The following CDC42BPG variants were observed in gnomAD, a reference collection of about 807,000 sequenced individuals.
CDC42BPG encodes the protein CDC42 binding protein kinase gamma.
A neutral mutation model predicts 192.2 loss-of-function variants in CDC42BPG; 157 were observed. The ratio of observed to expected loss-of-function variants is 0.82; its 90% confidence interval spans 0.72 to 0.93. The LOEUF (loss-of-function observed/expected upper bound fraction) is 0.93. CDC42BPG is among the 40% of genes least tolerant of loss of function. The pLI, the probability that CDC42BPG is intolerant of heterozygous loss-of-function variation, is 0.00. For missense variants in CDC42BPG, 1,992 were observed against 2,122.1 expected (o/e 0.94, Z 1.20); for synonymous variants, 981 against 918.5 (o/e 1.07, Z -1.23).
chr11:64,825,841 G>A (rs1267801192), intron 36 of CDC42BPG, among the ~76,000 whole-genome samples: 6 of 152,190 alleles, frequency 3.9e-5, no homozygotes, highest in East Asian at 1.9e-4. Flanking sequence ...CAAGGTGGGC[G>A]GATCACTTGA....
chr11:64,836,274 C>A lies in CDC42BPG; in HGVS notation c.1511G>T (p.Gly504Val). The change falls in exon 13 of 37, where the codon GGG becomes GTG. Residue 504 changes from glycine (G) to valine (V), a missense_variant. By Grantham distance (109) the Gly-to-Val change is moderately radical. Around this residue, in one of 2 missense-constraint regions of CDC42BPG, gnomAD observed 1,656 missense variants for 1,844.3 expected, o/e 0.90. Coordinates refer to ENST00000342711, the MANE Select transcript of CDC42BPG (RefSeq NM_017525.3). ...GAGCTCCTGCTCCTGAGCCTGCAGC[C>A]CTGCCCGACCCTCGGCCAGCTCCTG... ...LHRELAEGRA[G>V]LQAQEQELCR... 6.2e-7 allele frequency: 1 copy of A among 1,603,616 alleles called. No homozygotes were observed. Among genetic ancestry groups the A allele is most frequent in the Non-Finnish European group, 8.5e-7 (1 of 1,176,940 alleles).
In CDC42BPG at chr11:64,831,601, CCAG is replaced by C. The variant is rs1309370908; in HGVS notation, c.3205_3207del (p.Leu1069del). ...ACGGGCCGGGGTCTTGGCCGCGCGTCCAGCAGCAGCCGCTGCAGCTCACCCAGC... is the reference window on the plus strand; with the variant it reads ...ACGGGCCGGGGTCTTGGCCGCGCGTCCAGCAGCCGCTGCAGCTCACCCAGC... On this transcript the variant is annotated inframe_deletion, in exon 28 of 37. Coordinates refer to ENST00000342711, the MANE Select transcript of CDC42BPG (RefSeq NM_017525.3). The C allele has an allele frequency of 1.9e-6, 3 of 1,611,834 alleles. No homozygotes were observed. The highest frequency in any genetic ancestry group is 1.7e-6 in the Non-Finnish European group (2 of 1,179,798).
chr11:64,826,842 G>A (rs781438449), intron 34 of CDC42BPG, 48 bp from the exon 35 acceptor site: 20 of 1,465,804 alleles, frequency 1.4e-5, no homozygotes, highest in South Asian at 1.0e-4. Context: ...GCACAAGGAG[G>A]ACAAGAGGCC....
In CDC42BPG at chr11:64,829,497, A is replaced by G; in HGVS notation, c.3941T>C (p.Leu1314Ser). 6.2e-7 allele frequency: 1 copy of G among 1,612,930 alleles called. No homozygotes were observed. Among genetic ancestry groups the G allele is most frequent in the Non-Finnish European group, 8.5e-7 (1 of 1,179,922 alleles). Reference protein sequence around the residue: ...AGRKSRGHELLWPAAPMGWGY... With the variant: ...AGRKSRGHELSWPAAPMGWGY... ...CCAGCCCATGGGCGCTGCTGGCCAC[A>G]ACAGCTCGTGGCCACGAGACTTGCG... The change falls in exon 30 of 37, where the codon TTG becomes TCG. Residue 1314 changes from leucine to serine, a missense_variant. By Grantham distance (145) the Leu-to-Ser change is moderately radical. Transcript: ENST00000342711.
Position 64,838,094 on chromosome 11 carries a change from G to A in CDC42BPG, c.1194C>T (p.Tyr398=), listed in dbSNP as rs532478413. The A allele has an allele frequency of 3.9e-6, 6 of 1,551,474 alleles. 1 individual carries two copies. The South Asian group carries it at 7.1e-5, about 18-fold the overall frequency. ...AGGACTAGCCTCACCTGCCTGAGGT[G>A]TAGGTGAAGCCCACGAATGGCAGGT... is the stretch of plus-strand genomic sequence containing the variant. ...GHHLPFVGFT[Y]TSGSHSPESS... The change falls in exon 9 of 37, where the codon TAC becomes TAT. Residue 398 remains tyrosine, a synonymous_variant. Transcript: ENST00000342711.
intron 6 of CDC42BPG, 76 bp downstream of exon 6, chr11:64,839,402 G>T: frequency 6.6e-7 from 1 of 1,526,552 alleles, no homozygotes; most frequent in African/African-American, 1.4e-5. Flanking sequence ...TCTGCACTAG[G>T]CCTGGGGCCT....
intron 8 of CDC42BPG, 115 bp downstream of exon 8, chr11:64,838,539 C>A: frequency 7.3e-7 from 1 of 1,364,500 alleles, no homozygotes; most frequent in Non-Finnish European, 1.0e-6. Flanking sequence ...AATCATAAGC[C>A]CCGGTGTCTG....
intron 5 of CDC42BPG, 142 bp downstream of exon 5, chr11:64,839,978 C>A: frequency 1.2e-6 from 1 of 846,268 alleles, no homozygotes; most frequent in Non-Finnish European, 1.8e-6. Context: ...TGGTATGATT[C>A]CAAGGAAGCA....
intron 11 of CDC42BPG, 74 bp downstream of exon 11, chr11:64,836,665 C>CCAGGG (rs1943006632): frequency 2.7e-6 from 3 of 1,090,958 alleles, no homozygotes; most frequent in Non-Finnish European, 3.8e-6. Flanking sequence ...TACAGCTTGT[C>CCAGGG]CAGGGCAGGG....
At chr11:64,826,919 G>C (rs558560424) in intron 34 of CDC42BPG, 125 bp from the exon 35 acceptor site, 18 of 1,226,676 alleles carry the variant, frequency 1.5e-5, no homozygotes, top group Non-Finnish European at 1.6e-5. Flanking sequence ...TTAAGTCCCA[G>C]GTAGCAGAAG....
In CDC42BPG at chr11:64,827,122, C is replaced by T. The variant is rs186031768; in HGVS notation, c.4317G>A (p.Pro1439=). 323 of 1,614,112 alleles carry T rather than the reference C, an allele frequency of 2.0e-4. No homozygotes were observed. Among genetic ancestry groups the T allele is most frequent in the Admixed American group, 1.1e-3 (66 of 60,010 alleles). The change falls in exon 34 of 37, where the codon CCG becomes CCA. Residue 1439 remains proline (P), a synonymous_variant. Coordinates refer to ENST00000342711, the MANE Select transcript of CDC42BPG (RefSeq NM_017525.3). ...GTACTAGGTGGTTGAAGTTGGTAGG[C>T]GGCGAGATGAGCTTGGAGCGCACAA... ...DPFVRSKLIS[P]PTNFNHLVHV...
intron 35 of CDC42BPG, 40 bp downstream of exon 35, chr11:64,826,631 G>T: frequency 6.3e-7 from 1 of 1,586,322 alleles, no homozygotes; most frequent in Non-Finnish European, 8.6e-7. Flanking sequence ...GAAACTTGGG[G>T]TGGGGGGTGG....
Position 64,833,976 on chromosome 11 carries a change from G to A in CDC42BPG, c.2415C>T (p.Asp805=), listed in dbSNP as rs199559502. ...REELRARGPV[D]TKPSNSLIPF... ...GAATCAGGGAGTTTGAGGGCTTGGTGTCTGCAAAGAAAGGGTGGGTCACTG... is the reference window on the plus strand; with the variant it reads ...GAATCAGGGAGTTTGAGGGCTTGGTATCTGCAAAGAAAGGGTGGGTCACTG... Residue 805 remains aspartate, a splice_region_variant and synonymous_variant, in exon 21 of 37, where the codon GAC becomes GAT. Transcript: ENST00000342711. 4 of 1,614,216 alleles carry A rather than the reference G, an allele frequency of 2.5e-6. No individual in the cohort carries two copies. In the Admixed American group the frequency reaches 5.0e-5, roughly 20 times the overall value.
chr11:64,839,395 G>C, intron 6 of CDC42BPG, 83 bp downstream of exon 6: 4 of 1,515,058 alleles, frequency 2.6e-6, no homozygotes, highest in Non-Finnish European at 3.6e-6. Flanking sequence ...TGATGCCTCT[G>C]CACTAGGCCT....
intron 8 of CDC42BPG, among the ~76,000 whole-genome samples, 170 bp from the exon 9 acceptor site, chr11:64,838,332 C>T (rs1360213079): frequency 2.6e-5 from 4 of 152,198 alleles, no homozygotes; most frequent in Non-Finnish European, 4.4e-5. Flanking sequence ...CTCCTAGGAG[C>T]TGCTGGGAGT....
At chr11:64,840,720 G>A (rs1943243591) in intron 3 of CDC42BPG, 72 bp from the exon 4 acceptor site, 3 of 1,350,106 alleles carry the variant, frequency 2.2e-6, no homozygotes, top group South Asian at 2.4e-5. Flanking sequence ...CCAGCTCAGG[G>A]GATGGAGAAA....
At chr11:64,837,947 C>A (rs1207839187) in intron 9 of CDC42BPG, 136 bp downstream of exon 9, 9 of 761,282 alleles carry the variant, frequency 1.2e-5, no homozygotes, top group African/African-American at 5.2e-5. Context: ...AGGATGAGGG[C>A]TAGAGCACCT....
intron 3 of CDC42BPG, among the ~76,000 whole-genome samples, 157 bp from the exon 4 acceptor site, chr11:64,840,805 CCCACGCTCTA>C (rs1943247597): frequency 6.6e-6 from 1 of 152,188 alleles, no homozygotes; most frequent in Non-Finnish European, 1.5e-5. Context: ...TGAGCCCAAG[CCCACGCTCTA>C]CAGCTCTGGG....
Position 64,823,311 on chromosome 11 carries a change from C to T in CDC42BPG, c.*1162G>A. 6.6e-6 allele frequency: 1 copy of T among 152,146 alleles called. No individual in the cohort carries two copies. Among genetic ancestry groups the T allele is most frequent in the East Asian group, 1.9e-4 (1 of 5,168 alleles). The allele number at this position is 152,146 out of a possible 1,614,324, so 9.4% of individuals were successfully genotyped here. A position where few individuals can be genotyped will look rare whatever the true frequency, so the allele number is the denominator to read the frequency against. Reference sequence around the variant, plus strand: ...CCGTGTTAGCCAGGATGGTCTCAATCTCCTGACCTCGGGATCTGCCCGCCT... The same window carrying T: ...CCGTGTTAGCCAGGATGGTCTCAATTTCCTGACCTCGGGATCTGCCCGCCT... On this transcript the variant is annotated 3_prime_UTR_variant, in exon 37 of 37. Coordinates refer to ENST00000342711, the MANE Select transcript of CDC42BPG (RefSeq NM_017525.3).
Sources: allele counts gnomAD v4.1 joint callset (sites outside exome capture counted in the v4.1 genomes callset), GRCh38; gene constraint gnomAD v4.1.1; regional missense constraint gnomAD v4.1.1; transcripts MANE v1.5; gene names NCBI Gene and HGNC (gene_info 2026-07-23, HGNC 2026-07-21).